The following CACNA1D variants were observed in gnomAD, a reference collection of about 807,000 sequenced individuals.
The protein encoded by CACNA1D is voltage-dependent L-type calcium channel subunit alpha-1D.
CACNA1D carries 55 observed loss-of-function variants against 257.1 expected under a neutral mutation model. The observed-to-expected ratio is 0.21, with a 90% CI of 0.17 to 0.27. CACNA1D has a LOEUF of 0.27. Ranked by LOEUF, CACNA1D falls within the 10% of genes least tolerant of loss-of-function variation. The pLI, the probability that CACNA1D is intolerant of heterozygous loss-of-function variation, is 1.00. For missense variants in CACNA1D, 1,876 were observed against 2,784.0 expected, an observed-to-expected ratio of 0.67 and a Z score of 7.34; for synonymous variants, 980 against 1,014.9, an observed-to-expected ratio of 0.97 and a Z score of 0.65.
At chr3:53,529,969 A>G (rs1027707097) in intron 3 of CACNA1D, among the ~76,000 whole-genome samples, 5 of 152,132 alleles carry the variant, frequency 3.3e-5, no homozygotes, top group Non-Finnish European at 7.4e-5. Flanking sequence ...GTCAGCTAGT[A>G]CTGACCAGCA....
At position 53,745,807 on chromosome 3, in the gene CACNA1D, T is replaced by C; in HGVS notation, c.3115-16T>C. 6.2e-7 allele frequency: 1 copy of C among 1,611,246 alleles called. No individual in the cohort carries two copies. The highest frequency in any genetic ancestry group is 8.5e-7 in the Non-Finnish European group (1 of 1,177,268). On this transcript the variant is annotated splice_polypyrimidine_tract_variant and intron_variant, in intron 24 of 47. Transcript: ENST00000350061. ...AAGCCTGCATTTACTTAACTGCCTGTCTATTTTATACCCAGGGGAAGTTCT... is the reference window on the plus strand; with the variant it reads ...AAGCCTGCATTTACTTAACTGCCTGCCTATTTTATACCCAGGGGAAGTTCT...
At chr3:53,679,973 A>G (rs1453359472) in intron 8 of CACNA1D, among the ~76,000 whole-genome samples, 1 of 152,214 alleles carries the variant, frequency 6.6e-6, no homozygotes, top group Admixed American at 6.5e-5. Flanking sequence ...TAAAGAACCT[A>G]GCTAAACATT....
chr3:53,701,023 C>G (rs999087906), intron 8 of CACNA1D, among the ~76,000 whole-genome samples: 3 of 151,834 alleles, frequency 2.0e-5, no homozygotes, highest in African/African-American at 7.3e-5. Flanking sequence ...GGTGAGGATT[C>G]CAGTTTCTTA....
rs1034472818 is a variant in CACNA1D at position 53,800,512 on chromosome 3, C to A, written c.5040+147C>A. 23 of 742,016 alleles carry A rather than the reference C, an allele frequency of 3.1e-5. No homozygotes were observed. The highest frequency in any genetic ancestry group is 4.6e-4 in the Middle Eastern group (2 of 4,394). 46.0% of individuals were successfully genotyped at this position (742,016 alleles called of 1,614,324 possible). A position where few individuals can be genotyped will look rare whatever the true frequency, so the allele number is the denominator to read the frequency against. ...GGGGCTTTCAGACCACACCCTCCCCCTCTTACAGACCCTCCCCAGGCATCA... is the reference window on the plus strand; with the variant it reads ...GGGGCTTTCAGACCACACCCTCCCCATCTTACAGACCCTCCCCAGGCATCA... On this transcript the variant is annotated intron_variant, in intron 41 of 47. Coordinates refer to ENST00000350061, the MANE Select transcript of CACNA1D (RefSeq NM_001128840.3). The surrounding 1 kb of genome is among the most constrained non-coding windows in gnomAD (Gnocchi z 4.3).
intron 8 of CACNA1D, among the ~76,000 whole-genome samples, chr3:53,698,114 A>G (rs1274544148): frequency 1.3e-5 from 2 of 152,220 alleles, no homozygotes; most frequent in Non-Finnish European, 2.9e-5. Context: ...ACATACTCAC[A>G]TATCAGCCTC....
intron 25 of CACNA1D, 97 bp downstream of exon 25, chr3:53,745,972 A>G (rs765594899): frequency 2.0e-5 from 18 of 913,602 alleles, no homozygotes; most frequent in Non-Finnish European, 3.2e-5. Context: ...TGGTCGTGAA[A>G]TAAAATAGGC....
At chr3:53,565,105 A>G (rs575365011) in intron 3 of CACNA1D, among the ~76,000 whole-genome samples, 77 of 152,270 alleles carry the variant, frequency 5.1e-4, no homozygotes, top group Non-Finnish European at 8.4e-4. Context: ...TACATGCCTT[A>G]TAACAAATCA....
chr3:53,695,421 A>T (rs937513996), intron 8 of CACNA1D, among the ~76,000 whole-genome samples: 1 of 151,884 alleles, frequency 6.6e-6, no homozygotes, highest in Non-Finnish European at 1.5e-5. Flanking sequence ...GATACTGGGG[A>T]CCAGCCTCTC....
At chr3:53,804,073 C>G (rs961330099) in intron 44 of CACNA1D, among the ~76,000 whole-genome samples, 2 of 152,214 alleles carry the variant, frequency 1.3e-5, no homozygotes, top group East Asian at 3.9e-4. Flanking sequence ...CATCTTGCTT[C>G]TGTCCTACAG....
In CACNA1D at chr3:53,751,994, C is replaced by A; in HGVS notation, c.3675+87C>A. 7.5e-7 allele frequency: 1 copy of A among 1,333,390 alleles called. No individual in the cohort carries two copies. The highest frequency in any genetic ancestry group is 1.1e-6 in the Non-Finnish European group (1 of 925,260). 82.6% of individuals were successfully genotyped at this position (1,333,390 alleles called of 1,614,324 possible). On this transcript the variant is annotated intron_variant, in intron 28 of 47. Transcript: ENST00000350061. This position sits in a 1 kb window ranked among gnomAD's most constrained non-coding sequence, Gnocchi z 4.3. ...ATGCTGAGGGTGGAATGCTGCCCCT[C>A]ACAGGAGGGGTTTGATTTTTCTGAT...
intron 3 of CACNA1D, among the ~76,000 whole-genome samples, chr3:53,562,695 A>G (rs1462178149): frequency 6.6e-6 from 1 of 152,160 alleles, no homozygotes; most frequent in East Asian, 1.9e-4. Flanking sequence ...GATGATTTCC[A>G]GATGTTTCAC....
At chr3:53,695,490 AG>A (rs1469882011) in intron 8 of CACNA1D, among the ~76,000 whole-genome samples, 1 of 152,120 alleles carries the variant, frequency 6.6e-6, no homozygotes, top group Non-Finnish European at 1.5e-5. Context: ...CAGGTGGACA[AG>A]AAATGTTCAT....
intron 3 of CACNA1D, among the ~76,000 whole-genome samples, chr3:53,549,776 C>T (rs1189095693): frequency 2.6e-5 from 4 of 152,118 alleles, no homozygotes; most frequent in African/African-American, 9.7e-5. Context: ...CAAGCATGCA[C>T]AGAAGTGGTG....
intron 39 of CACNA1D, chr3:53,786,429 T>A (rs548578872): frequency 8.5e-6 from 2 of 234,630 alleles, no homozygotes; most frequent in East Asian, 2.1e-4. Context: ...TTATGGTAGT[T>A]ATACATGCAA....
chr3:53,627,458 CT>C (rs903042393), intron 3 of CACNA1D, among the ~76,000 whole-genome samples: 10 of 152,282 alleles, frequency 6.6e-5, no homozygotes, highest in African/African-American at 2.4e-4. Context: ...GTTTATCCAT[CT>C]TGCAAACGTG....
Position 53,673,177 on chromosome 3 carries a change from A to G in CACNA1D, c.1220+51A>G, listed in dbSNP as rs1421570700. ...AAGCAGAGTCCTGAGGACAGTTGCC[A>G]AGACCACACAAGCTTTGCTGGATGA... On this transcript the variant is annotated intron_variant, in intron 8 of 47. Transcript: ENST00000350061. This position sits in a 1 kb window ranked among gnomAD's most constrained non-coding sequence, Gnocchi z 4.1. 8 of 1,251,184 alleles carry G rather than the reference A, an allele frequency of 6.4e-6. No individual in the cohort carries two copies. The East Asian group carries it at 1.8e-4, about 28-fold the overall frequency. The allele number at this position is 1,251,184 out of a possible 1,614,324, so 77.5% of individuals were successfully genotyped here. A position where few individuals can be genotyped will look rare whatever the true frequency, so the allele number is the denominator to read the frequency against.
chr3:53,633,427 C>A (rs2093845097), intron 3 of CACNA1D, among the ~76,000 whole-genome samples: 1 of 151,282 alleles, frequency 6.6e-6, no homozygotes, highest in Non-Finnish European at 1.5e-5. Context: ...TACACTCCAC[C>A]CTGGGGAACA....
intron 29 of CACNA1D, 151 bp downstream of exon 29, chr3:53,753,833 A>G (rs2095245147): frequency 1.5e-6 from 1 of 679,086 alleles, no homozygotes; most frequent in East Asian, 2.7e-5. Context: ...TGATTAGAGC[A>G]TGTGTGTATA....
At position 53,621,672 on chromosome 3, in the gene CACNA1D, AAAGT is replaced by A. The variant is rs549979175; in HGVS notation, c.484-29099_484-29096del. 1.4e-3 allele frequency among the ~76,000 whole-genome samples: 208 copies of A among 152,366 alleles called. 1 individual carries two copies. Among genetic ancestry groups the A allele is most frequent in the African/African-American group, 4.7e-3 (194 of 41,580 alleles). ...GTTCATCAAAAGATGCTGTTAAGAA[AAAGT>A]AAGTAAGCCACTAATTGGGAGAAAA... is the stretch of plus-strand genomic sequence containing the variant. On this transcript the variant is annotated intron_variant, in intron 3 of 47. Coordinates refer to ENST00000350061, the MANE Select transcript of CACNA1D (RefSeq NM_001128840.3).
Sources: allele counts gnomAD v4.1 joint callset (sites outside exome capture counted in the v4.1 genomes callset), GRCh38; gene constraint gnomAD v4.1.1; non-coding constraint Gnocchi (gnomAD v3.1); transcripts MANE v1.5; gene names NCBI Gene and HGNC (gene_info 2026-07-23, HGNC 2026-07-21).